The following CD180 variants were observed in gnomAD, a reference collection of about 807,000 sequenced individuals.
The protein encoded by CD180 is CD180 antigen.
CD180 carries 11 observed loss-of-function variants against 10.7 expected under a neutral mutation model. The observed-to-expected ratio is 1.03, with a 90% confidence interval of 0.65 to 1.70. CD180 has a LOEUF of 1.70. Ranked by LOEUF, CD180 falls within the 40% of genes most tolerant of loss-of-function variation. The pLI, the probability that CD180 is intolerant of heterozygous loss-of-function variation, is 0.00. For missense variants in CD180, 729 were observed against 775.2 expected, an observed-to-expected ratio of 0.94 and a Z score of 0.71; for synonymous variants, 286 against 294.6, an observed-to-expected ratio of 0.97 and a Z score of 0.30.
chr5:67,183,056 A>G lies in CD180; in HGVS notation c.1787T>C (p.Leu596Pro), dbSNP rs768614706. 2.5e-6 allele frequency: 4 copies of G among 1,613,284 alleles called. No individual in the cohort carries two copies. In the East Asian group the frequency reaches 6.7e-5, roughly 27 times the overall value. Reference sequence around the variant, plus strand: ...CTCCTCCGAGCCTTCAAGTTTGTGCAGGTTTTCTTTGTACCATGTTAAGAA... The same window carrying G: ...CTCCTCCGAGCCTTCAAGTTTGTGCGGGTTTTCTTTGTACCATGTTAAGAA... Reference protein sequence around the residue: ...IHFLTWYKENLHKLEGSEETT... With the variant: ...IHFLTWYKENPHKLEGSEETT... The change falls in exon 3 of 3, where the codon CTG (leucine) becomes CCG (proline). Residue 596 changes from leucine (L) to proline (P), a missense_variant. Physicochemically the swap from Leu to Pro is moderately conservative, Grantham distance 98 (BLOSUM62 -3). Transcript: ENST00000256447.
At chr5:67,192,825 C>T (rs1166165040) in intron 1 of CD180, among the ~76,000 whole-genome samples, 1 of 152,124 alleles carries the variant, frequency 6.6e-6, no homozygotes, top group Admixed American at 6.5e-5. Flanking sequence ...TAAATACAGC[C>T]GAGCAGCCAC....
chr5:67,187,239 G>T (rs1742214573), intron 1 of CD180, among the ~76,000 whole-genome samples: 1 of 152,214 alleles, frequency 6.6e-6, no homozygotes, highest in African/African-American at 2.4e-5. Context: ...ATGCAGAGAT[G>T]AAGTGAGTAG....
chr5:67,191,814 G>A (rs1351590008), intron 1 of CD180, among the ~76,000 whole-genome samples: 2 of 152,154 alleles, frequency 1.3e-5, no homozygotes, highest in Non-Finnish European at 2.9e-5. Flanking sequence ...GCCTGTAGGT[G>A]TTCACTGTAA....
chr5:67,182,207 T>C lies in CD180; in HGVS notation c.*650A>G, dbSNP rs769825434. 2.6e-5 allele frequency: 4 copies of C among 152,344 alleles called. No individual in the cohort carries two copies. The highest frequency in any genetic ancestry group is 9.6e-5 in the African/African-American group (4 of 41,580). 9.4% of individuals were successfully genotyped at this position (152,344 alleles called of 1,614,324 possible). A position where few individuals can be genotyped will look rare whatever the true frequency, so the allele number is the denominator to read the frequency against. Reference sequence around the variant, plus strand: ...CTATTTTTTATAGCCATTCACACCCTAGGGGCATTACAGAGACCTTACAGA... The same window carrying C: ...CTATTTTTTATAGCCATTCACACCCCAGGGGCATTACAGAGACCTTACAGA... On this transcript the variant is annotated 3_prime_UTR_variant, in exon 3 of 3. Transcript: ENST00000256447.
rs1385586709 is a variant in CD180 at position 67,193,804 on chromosome 5, G to T, written c.90+2748C>A. On this transcript the variant is annotated intron_variant, in intron 1 of 2. Transcript: ENST00000256447. ...AGAACAGGCAGCCAAAGGACTAGGG[G>T]GCCTCCCGCTGATGCAAGGATTTCA... Among the ~76,000 whole-genome samples, 4 of 152,212 alleles carry T rather than the reference G, an allele frequency of 2.6e-5. No individual in the cohort carries two copies. The East Asian group carries it at 7.7e-4, about 29-fold the overall frequency.
intron 1 of CD180, chr5:67,191,085 T>C (rs1443925460): frequency 1.1e-5 from 11 of 985,246 alleles, no homozygotes; most frequent in Non-Finnish European, 1.3e-5. Context: ...AGAGCAACAA[T>C]TAGTCTCTGA....
Position 67,184,769 on chromosome 5 carries a change from T to C in CD180, c.258-184A>G, listed in dbSNP as rs1742149789. ...GTAGCCTCACTTCTGAACACGCCAA[T>C]CTAGATTTTTTTTCCAGGTATCTCA... On this transcript the variant is annotated intron_variant, in intron 2 of 2. Transcript: ENST00000256447. Among the ~76,000 whole-genome samples the C allele has an allele frequency of 2.0e-5, 3 of 152,132 alleles. No homozygotes were observed. The South Asian group carries it at 6.2e-4, about 31-fold the overall frequency.
rs1742095322 is a variant in CD180, at chr5:67,183,243, A to G, written c.1600T>C (p.Cys534Arg). 3.1e-6 allele frequency: 5 copies of G among 1,614,032 alleles called. No homozygotes were observed. The South Asian group carries it at 4.4e-5, about 14-fold the overall frequency. ...TGGCTAAGAGAATCAATGCTGTCGC[A>G]TGTCAGGCTGTTGTGGCTTAAGTCT... ...HVDLSHNSLTCDSIDSLSHLK... is the reference protein window; with the variant it reads ...HVDLSHNSLTRDSIDSLSHLK... Residue 534 changes from cysteine (C) to arginine (R), a missense_variant, in exon 3 of 3, where the codon TGC (cysteine) becomes CGC (arginine). Coordinates refer to ENST00000256447, the MANE Select transcript of CD180 (RefSeq NM_005582.3).
At chr5:67,188,208 A>G (rs1313548471) in intron 1 of CD180, among the ~76,000 whole-genome samples, 1 of 151,766 alleles carries the variant, frequency 6.6e-6, no homozygotes, top group Non-Finnish European at 1.5e-5. Flanking sequence ...TTAGGCCTCC[A>G]TTTGCTCTGT....
intron 1 of CD180, among the ~76,000 whole-genome samples, chr5:67,193,573 A>G (rs1742347336): frequency 6.6e-6 from 1 of 152,212 alleles, no homozygotes; most frequent in Admixed American, 6.5e-5. Flanking sequence ...GAAAATACAG[A>G]TCTGATGCTA....
At chr5:67,184,663 A>C (rs1370019017) in intron 2 of CD180, 78 bp from the exon 3 acceptor site, 17 of 1,190,144 alleles carry the variant, frequency 1.4e-5, no homozygotes, top group Non-Finnish European at 2.0e-5. Flanking sequence ...CACATTAACA[A>C]AGTCATCTTT....
chr5:67,195,687 C>G (rs1263122988), intron 1 of CD180, among the ~76,000 whole-genome samples: 1 of 152,254 alleles, frequency 6.6e-6, no homozygotes, highest in Non-Finnish European at 1.5e-5. Context: ...GCTGGCTTTG[C>G]TCTGCTCTTC....
Position 67,196,593 on chromosome 5 carries a change from C to T in CD180, c.49G>A (p.Gly17Ser), listed in dbSNP as rs142002256. The T allele has an allele frequency of 2.8e-5, 45 of 1,613,924 alleles. No homozygotes were observed. In the African/African-American group the frequency reaches 4.3e-4, roughly 15 times the overall value. Residue 17 changes from glycine (G) to serine (S), a missense_variant, in exon 1 of 3, where the codon GGC (glycine) becomes AGC (serine). By Grantham distance (56) the Gly-to-Ser change is moderately conservative. Coordinates refer to ENST00000256447, the MANE Select transcript of CD180 (RefSeq NM_005582.3). Reference sequence around the variant, plus strand: ...TCCCAGGAGGTGATGACTTTACAGCCGGCAGAAAACAGCACCACCCAAAAG... The same window carrying T: ...TCCCAGGAGGTGATGACTTTACAGCTGGCAGAAAACAGCACCACCCAAAAG... ...CFFWVVLFSA[G>S]CKVITSWDQM...
chr5:67,186,239 C>CCTG, intron 1 of CD180: 1 of 309,668 alleles, frequency 3.2e-6, no homozygotes, highest in Non-Finnish European at 5.8e-6. Flanking sequence ...CAATATAGGA[C>CCTG]TACTTGAACA....
chr5:67,192,215 T>C (rs867540398), intron 1 of CD180, among the ~76,000 whole-genome samples: 1 of 151,864 alleles, frequency 6.6e-6, no homozygotes, highest in South Asian at 2.1e-4. Context: ...AAGGTGAAAC[T>C]CCGTCTCTAC....
At position 67,184,215 on chromosome 5, in the gene CD180, T is replaced by C; in HGVS notation, c.628A>G (p.Asn210Asp). 5.0e-6 allele frequency: 8 copies of C among 1,614,124 alleles called. No homozygotes were observed. Among genetic ancestry groups the C allele is most frequent in the Non-Finnish European group, 6.8e-6 (8 of 1,180,024 alleles). The change falls in exon 3 of 3, where the codon AAT becomes GAT. Residue 210 changes from asparagine to aspartate, a missense_variant. Coordinates refer to ENST00000256447, the MANE Select transcript of CD180 (RefSeq NM_005582.3). Reference protein sequence around the residue: ...INLSLNFNGNNVKGIELGAFD... With the variant: ...INLSLNFNGNDVKGIELGAFD... ...GCCCCAAGCTCAATACCTTTAACAT[T>C]ATTGCCATTGAAGTTCAGGCTTAGG...
intron 1 of CD180, among the ~76,000 whole-genome samples, chr5:67,195,674 A>T (rs2151169759): frequency 6.6e-6 from 1 of 152,304 alleles, no homozygotes; most frequent in African/African-American, 2.4e-5. Context: ...GCCTTACCCC[A>T]GTGCTGGCTT....
intron 1 of CD180, among the ~76,000 whole-genome samples, chr5:67,189,136 G>A (rs1257657757): frequency 6.6e-6 from 1 of 152,166 alleles, no homozygotes; most frequent in Non-Finnish European, 1.5e-5. Context: ...GGAGAAAAGG[G>A]ACTTCCTCAG....
intron 1 of CD180, among the ~76,000 whole-genome samples, chr5:67,191,448 C>G (rs556448474): frequency 6.6e-6 from 1 of 152,244 alleles, no homozygotes; most frequent in Admixed American, 6.5e-5. Context: ...ACTTGGAGTT[C>G]CTTTCAAAAA....
Sources: gnomAD v4.1 joint callset for allele counts (sites outside exome capture counted in the v4.1 genomes callset) on GRCh38, gnomAD v4.1.1 for gene constraint, MANE v1.5 for transcripts, NCBI Gene and HGNC (gene_info 2026-07-23, HGNC 2026-07-21) for gene names.